The following FAM228B variants were observed in gnomAD, a reference collection of about 807,000 sequenced individuals.
FAM228B encodes the protein protein FAM228B.
FAM228B carries 38 observed loss-of-function variants against 42.6 expected under a neutral mutation model. The ratio of observed to expected loss-of-function variants is 0.89; its 90% CI spans 0.69 to 1.17. The LOEUF (loss-of-function observed/expected upper bound fraction) is 1.17, where lower values mean the gene tolerates loss of function less well. Among genes scored for constraint, FAM228B ranks in the 50% most tolerant of loss-of-function variants. The pLI is 0.00. For missense variants in FAM228B, 344 were observed against 367.3 expected (o/e 0.94, Z 0.52); for synonymous variants, 109 against 122.3 (o/e 0.89, Z 0.72).
chr2:24,137,241 G>A (rs562724229), intron 3 of FAM228B, among the ~76,000 whole-genome samples: 2 of 152,016 alleles, frequency 1.3e-5, no homozygotes, highest in Non-Finnish European at 2.9e-5. Context: ...GAATAATGCC[G>A]CAATGAACAT....
Position 24,146,790 on chromosome 2 carries a change from T to G in FAM228B, c.484T>G (p.Tyr162Asp). ...TCATGACCCTTTGAAAAAAGCACAATATGACAAGGATAACGAAAAAAGAAC... is the reference window on the plus strand; with the variant it reads ...TCATGACCCTTTGAAAAAAGCACAAGATGACAAGGATAACGAAAAAAGAAC... ...PFHDPLKKAQ[Y>D]DKDNEKRTLL... The change falls in exon 6 of 11, where the codon TAT becomes GAT. Residue 162 changes from tyrosine to aspartate, a missense_variant. By Grantham distance (160) the Tyr-to-Asp change is radical. Transcript: ENST00000615575. 6.5e-7 allele frequency: 1 copy of G among 1,550,262 alleles called. No individual in the cohort carries two copies. The highest frequency in any genetic ancestry group is 8.7e-7 in the Non-Finnish European group (1 of 1,145,996).
At chr2:24,154,489 T>A (rs1292434457) in intron 7 of FAM228B, among the ~76,000 whole-genome samples, 1 of 152,264 alleles carries the variant, frequency 6.6e-6, no homozygotes, top group African/African-American at 2.4e-5. Context: ...GTATATATTT[T>A]GCAAATAATT....
chr2:24,094,909 A>G (rs955753689), intron 2 of FAM228B, among the ~76,000 whole-genome samples: 3 of 152,286 alleles, frequency 2.0e-5, no homozygotes, highest in South Asian at 2.1e-4. Flanking sequence ...CCTGGCCAAC[A>G]TGGTGAAACC....
At chr2:24,130,398 C>T (rs908352897) in intron 2 of FAM228B, among the ~76,000 whole-genome samples, 13 of 152,208 alleles carry the variant, frequency 8.5e-5, no homozygotes, top group Admixed American at 4.6e-4. Flanking sequence ...CTGTCTTCCA[C>T]AATGGTTGAA....
In FAM228B at chr2:24,077,960, T is replaced by C. The variant is rs1444675401; in HGVS notation, c.-290+991T>C. On this transcript the variant is annotated intron_variant, in intron 1 of 10. Coordinates refer to the FAM228B transcript ENST00000613899. This position sits in a 1 kb window ranked among gnomAD's most constrained non-coding sequence, Gnocchi z 5.5. ...CATCTCAGAATATGTCCGATAGGTATATTGTTAATTTTGAGGTGAAAGCAT... is the reference window on the plus strand; with the variant it reads ...CATCTCAGAATATGTCCGATAGGTACATTGTTAATTTTGAGGTGAAAGCAT... Among the ~76,000 whole-genome samples, 1 of 152,192 alleles carries C rather than the reference T, an allele frequency of 6.6e-6. No homozygotes were observed. Among genetic ancestry groups the C allele is most frequent in the Non-Finnish European group, 1.5e-5 (1 of 68,024 alleles).
chr2:24,166,210 G>A (rs188838986), intron 9 of FAM228B, among the ~76,000 whole-genome samples: 38 of 151,930 alleles, frequency 2.5e-4, no homozygotes, highest in African/African-American at 7.5e-4. Context: ...CTGGGTCTAG[G>A]TGGAGCTTCT....
Position 24,077,795 on chromosome 2 carries a change from GA to G in FAM228B, c.-290+827del, listed in dbSNP as rs746645957. 3.3e-5 allele frequency: 53 copies of G among 1,591,404 alleles called. No homozygotes were observed. Among genetic ancestry groups the G allele is most frequent in the Non-Finnish European group, 4.5e-5 (53 of 1,166,956 alleles). ...AGGGAAAGGAGATCATCAGCCTGGGGAGAGAGCCTCACCCTGCCCTCCTCAT... is the reference window on the plus strand; with the variant it reads ...AGGGAAAGGAGATCATCAGCCTGGGGGAGAGCCTCACCCTGCCCTCCTCAT... On this transcript the variant is annotated intron_variant, in intron 1 of 10. Coordinates refer to the FAM228B transcript ENST00000613899. This position sits in a 1 kb window ranked among gnomAD's most constrained non-coding sequence, Gnocchi z 5.5.
upstream of FAM228B, chr2:24,122,451 G>T (rs780066510): frequency 6.8e-6 from 11 of 1,613,752 alleles, no homozygotes; most frequent in East Asian, 2.5e-4. Context: ...CACAAGCTCC[G>T]CTCCTGGATT....
At chr2:24,134,181 T>C (rs906891288) in intron 2 of FAM228B, among the ~76,000 whole-genome samples, 5 of 152,232 alleles carry the variant, frequency 3.3e-5, no homozygotes. Flanking sequence ...GATAAAAATA[T>C]AACTCATTTC....
Position 24,137,948 on chromosome 2 carries a change from G to T in FAM228B, c.208G>T (p.Ala70Ser). The T allele has an allele frequency of 6.5e-7, 1 of 1,540,058 alleles. No individual in the cohort carries two copies. Among genetic ancestry groups the T allele is most frequent in the African/African-American group, 1.4e-5 (1 of 72,150 alleles). ...KYLQHHAFLNARRKEMLYKRW... is the reference protein window; with the variant it reads ...KYLQHHAFLNSRRKEMLYKRW... ...TTTACAACATCATGCCTTCTTAAAT[G>T]CAAGAAGAAAGGAGATGTTATATAA... The change falls in exon 4 of 11, where the codon GCA (alanine) becomes TCA (serine). Residue 70 changes from alanine (A) to serine (S), a missense_variant. Physicochemically the swap from Ala to Ser is moderately conservative, Grantham distance 99. Coordinates refer to ENST00000615575, the MANE Select transcript of FAM228B (RefSeq NM_001145710.2).
intron 2 of FAM228B, among the ~76,000 whole-genome samples, chr2:24,088,031 C>G (rs1665301515): frequency 6.6e-6 from 1 of 152,142 alleles, no homozygotes; most frequent in Non-Finnish European, 1.5e-5. Flanking sequence ...GCGTGAGCCA[C>G]TGGGTCCGGC....
At chr2:24,125,334 GA>G (rs923488523) in intron 2 of FAM228B, among the ~76,000 whole-genome samples, 7 of 152,306 alleles carry the variant, frequency 4.6e-5, no homozygotes, top group Non-Finnish European at 1.0e-4. Flanking sequence ...AGTGAGCTGT[GA>G]TTGTGCCACT....
intron 7 of FAM228B, among the ~76,000 whole-genome samples, chr2:24,150,326 G>A (rs1449317560): frequency 3.3e-5 from 5 of 151,892 alleles, no homozygotes; most frequent in Non-Finnish European, 7.4e-5. Flanking sequence ...GTCTGGAAAG[G>A]TCTTTATTTC....
At chr2:24,146,667 T>C (rs1487513851) in intron 5 of FAM228B, 81 bp from the exon 6 acceptor site, 2 of 871,582 alleles carry the variant, frequency 2.3e-6, no homozygotes, top group East Asian at 2.6e-5. Context: ...GAGCCATCCA[T>C]ATGTGGATGC....
rs1320101176 is a variant in FAM228B, at chr2:24,137,930, C to T, written c.190C>T (p.His64Tyr). The T allele has an allele frequency of 9.1e-6, 14 of 1,536,808 alleles. No individual in the cohort carries two copies. The highest frequency in any genetic ancestry group is 1.2e-5 in the Non-Finnish European group (14 of 1,142,920). Residue 64 changes from histidine to tyrosine, a missense_variant, in exon 4 of 11, where the codon CAT (histidine) becomes TAT (tyrosine). By Grantham distance (83) the His-to-Tyr change is moderately conservative. Transcript: ENST00000615575. Reference sequence around the variant, plus strand: ...CTAGGAACTAGATAAGTATTTACAACATCATGCCTTCTTAAATGCAAGAAG... The same window carrying T: ...CTAGGAACTAGATAAGTATTTACAATATCATGCCTTCTTAAATGCAAGAAG... Reference protein sequence around the residue: ...VIKELDKYLQHHAFLNARRKE... With the variant: ...VIKELDKYLQYHAFLNARRKE...
chr2:24,116,198 T>G (rs183951040), intron 3 of FAM228B, among the ~76,000 whole-genome samples: 190 of 152,132 alleles, frequency 1.2e-3, no homozygotes, highest in African/African-American at 4.4e-3. Context: ...CATGGTGGCA[T>G]GCTCCTGTAG....
intron 5 of FAM228B, among the ~76,000 whole-genome samples, chr2:24,145,305 G>A (rs978783798): frequency 2.0e-5 from 3 of 152,154 alleles, no homozygotes; most frequent in African/African-American, 7.2e-5. Flanking sequence ...CCCCCGCAAA[G>A]CCTCACCACA....
intron 1 of FAM228B, among the ~76,000 whole-genome samples, chr2:24,123,793 G>A (rs1666217100): frequency 2.6e-5 from 4 of 152,010 alleles, no homozygotes; most frequent in African/African-American, 9.7e-5. Flanking sequence ...GGCCTAGTGG[G>A]TGGGAGGAAG....
At position 24,084,439 on chromosome 2, in the gene FAM228B, A is replaced by G; in HGVS notation, c.-210+3484A>G. On this transcript the variant is annotated intron_variant, in intron 2 of 10. Transcript: ENST00000613899. The surrounding 1 kb of genome is among the most constrained non-coding windows in gnomAD (Gnocchi z 8.4). ...GGCAGGGGCCGCTGTATCCTCGCGGAGCAGCCCAGCCTCAGGCTGGCACCG... is the reference window on the plus strand; with the variant it reads ...GGCAGGGGCCGCTGTATCCTCGCGGGGCAGCCCAGCCTCAGGCTGGCACCG... The G allele has an allele frequency of 7.5e-7, 1 of 1,334,538 alleles. No homozygotes were observed. Among genetic ancestry groups the G allele is most frequent in the South Asian group, 1.6e-5 (1 of 63,538 alleles). The allele number at this position is 1,334,538 out of a possible 1,614,324, so 82.7% of individuals were successfully genotyped here. A position where few individuals can be genotyped will look rare whatever the true frequency, so the allele number is the denominator to read the frequency against.
Sources: gnomAD v4.1 joint callset for allele counts (sites outside exome capture counted in the v4.1 genomes callset) on GRCh38, gnomAD v4.1.1 for gene constraint, Gnocchi (gnomAD v3.1) non-coding constraint, MANE v1.5 for transcripts, NCBI Gene and HGNC (gene_info 2026-07-23, HGNC 2026-07-21) for gene names.